Variants in ENTPD1 observed in about 807,000 individuals in gnomAD.
The protein encoded by ENTPD1 is ectonucleoside triphosphate diphosphohydrolase 1.
ENTPD1 carries 33 observed loss-of-function variants against 57.0 expected under a neutral mutation model. The ratio of observed to expected loss-of-function variants is 0.58; its 90% confidence interval spans 0.44 to 0.77. The LOEUF (loss-of-function observed/expected upper bound fraction) is 0.77, where lower values mean the gene tolerates loss of function less well. ENTPD1 is among the 30% of genes least tolerant of loss of function. The pLI, the probability that ENTPD1 is intolerant of heterozygous loss-of-function variation, is 0.00. For missense variants in ENTPD1, 501 were observed against 603.4 expected (o/e 0.83, Z 1.78); for synonymous variants, 202 against 218.8 (o/e 0.92, Z 0.68).
chr10:95,753,794 G>C (rs1302199562), upstream of ENTPD1: 1 of 152,166 alleles, frequency 6.6e-6, no homozygotes, highest in Non-Finnish European at 1.5e-5. Context: ...CCAGGAGTTT[G>C]AGACCAGCCT....
intron 1 of ENTPD1, among the ~76,000 whole-genome samples, chr10:95,716,294 G>A (rs2097971404): frequency 6.6e-6 from 1 of 152,156 alleles, no homozygotes; most frequent in Non-Finnish European, 1.5e-5. Flanking sequence ...GATAAGATAT[G>A]GCAACTTTGC....
chr10:95,806,571 T>C (rs1355359800), intron 1 of ENTPD1, among the ~76,000 whole-genome samples: 2 of 152,252 alleles, frequency 1.3e-5, no homozygotes, highest in Admixed American at 1.3e-4. Flanking sequence ...AGAGGTGCTC[T>C]GGTTTTTAGA....
chr10:95,743,090 A>G (rs889571518), intron 1 of ENTPD1, among the ~76,000 whole-genome samples: 1 of 152,214 alleles, frequency 6.6e-6, no homozygotes, highest in Non-Finnish European at 1.5e-5. Flanking sequence ...TCCAAATTAC[A>G]TTTAATCTTC....
In ENTPD1 at chr10:95,839,825, G is replaced by C. The variant is rs1403275794; in HGVS notation, c.262+17G>C. 1 of 1,612,808 alleles carries C rather than the reference G, an allele frequency of 6.2e-7. No homozygotes were observed. Among genetic ancestry groups the C allele is most frequent in the Middle Eastern group, 1.7e-4 (1 of 6,056 alleles). On this transcript the variant is annotated intron_variant, in intron 3 of 9. Coordinates refer to ENST00000371205, the MANE Select transcript of ENTPD1 (RefSeq NM_001776.6). ...GGGTTAAAGGTAAGATGAAGACCAA[G>C]GGAAGGGGAGGCCAACAGTGGGGCA...
chr10:95,776,285 C>T (rs1216636503), intron 1 of ENTPD1, among the ~76,000 whole-genome samples: 2 of 152,166 alleles, frequency 1.3e-5, no homozygotes, highest in Non-Finnish European at 2.9e-5. Context: ...ACCGGTTGTT[C>T]CTTTCCATGT....
At chr10:95,776,841 C>G (rs953897600) in intron 1 of ENTPD1, among the ~76,000 whole-genome samples, 2 of 152,148 alleles carry the variant, frequency 1.3e-5, no homozygotes, top group African/African-American at 4.8e-5. Flanking sequence ...TCTTTTTACT[C>G]TTTTTTCTCT....
intron 7 of ENTPD1, among the ~76,000 whole-genome samples, chr10:95,850,121 G>A (rs561263522): frequency 6.6e-6 from 1 of 152,278 alleles, no homozygotes; most frequent in Admixed American, 6.5e-5. Context: ...GAAAAGGGTG[G>A]AGGAGTCTTG....
chr10:95,701,953 A>G, the ENTPD1 span, among the ~76,000 whole-genome samples: 1 of 152,068 alleles, frequency 6.6e-6, no homozygotes, highest in Non-Finnish European at 1.5e-5. Context: ...AAGTACTTTT[A>G]TTTTTTAAAA....
At position 95,871,714 on chromosome 10, in the gene ENTPD1, T is replaced by C; in HGVS notation, c.*5331T>C. The C allele has an allele frequency of 1.0e-6, 1 of 985,444 alleles. No homozygotes were observed. The highest frequency in any genetic ancestry group is 1.2e-6 in the Non-Finnish European group (1 of 829,910). 61.0% of individuals were successfully genotyped at this position (985,444 alleles called of 1,614,324 possible). A position where few individuals can be genotyped will look rare whatever the true frequency, so the allele number is the denominator to read the frequency against. ...GTTATAAATTGACACTATAATCAAC[T>C]GACACCATGATCAGTGATGATGATC... On this transcript the variant is annotated 3_prime_UTR_variant, in exon 10 of 10. Transcript: ENST00000371205.
At chr10:95,828,430 G>T (rs1418809913) in intron 2 of ENTPD1, among the ~76,000 whole-genome samples, 1 of 152,114 alleles carries the variant, frequency 6.6e-6, no homozygotes, top group Non-Finnish European at 1.5e-5. Flanking sequence ...AATAAAAATA[G>T]AAATAAGGTA....
At chr10:95,839,066 T>C (rs2098417160) in intron 2 of ENTPD1, among the ~76,000 whole-genome samples, 1 of 152,246 alleles carries the variant, frequency 6.6e-6, no homozygotes, top group Admixed American at 6.5e-5. Context: ...TTTACACCTC[T>C]CCTTAAAACA....
intron 1 of ENTPD1, among the ~76,000 whole-genome samples, chr10:95,792,162 AC>A (rs1199456901): frequency 6.6e-6 from 1 of 152,086 alleles, no homozygotes; most frequent in Non-Finnish European, 1.5e-5. Context: ...CAGACAACCC[AC>A]CCTGCTTTGC....
At chr10:95,784,178 G>A (rs1302957778) in intron 1 of ENTPD1, among the ~76,000 whole-genome samples, 1 of 150,362 alleles carries the variant, frequency 6.7e-6, no homozygotes, top group Non-Finnish European at 1.5e-5. Context: ...ATAAGATAGG[G>A]TAGGCATTAA....
chr10:95,844,438 A>G lies in ENTPD1; in HGVS notation c.414-38A>G, dbSNP rs2098429749. The G allele has an allele frequency of 2.5e-6, 4 of 1,613,496 alleles. No individual in the cohort carries two copies. The South Asian group carries it at 4.4e-5, about 18-fold the overall frequency. ...AAATGGGTAATGTAATATAATTATT[A>G]AAACAAAAATGATAACCTCAGCTCT... On this transcript the variant is annotated intron_variant, in intron 4 of 9. Transcript: ENST00000371205.
rs924183223 is a variant in ENTPD1, at chr10:95,868,552, G to A, written c.*2169G>A. 19 of 985,248 alleles carry A rather than the reference G, an allele frequency of 1.9e-5. No individual in the cohort carries two copies. The highest frequency in any genetic ancestry group is 1.4e-4 in the South Asian group (3 of 21,284). 61.0% of individuals were successfully genotyped at this position (985,248 alleles called of 1,614,324 possible). On this transcript the variant is annotated 3_prime_UTR_variant, in exon 10 of 10. Transcript: ENST00000371205. Reference sequence around the variant, plus strand: ...CAAATAAGTTGAGCCAATAACAGCCGCTTTTTTCCTTCTGTCTGCGTATAC... The same window carrying A: ...CAAATAAGTTGAGCCAATAACAGCCACTTTTTTCCTTCTGTCTGCGTATAC...
chr10:95,842,707 C>A (rs1215996346), intron 4 of ENTPD1, among the ~76,000 whole-genome samples: 1 of 151,972 alleles, frequency 6.6e-6, no homozygotes, highest in African/African-American at 2.4e-5. Flanking sequence ...AAAAAAAAGC[C>A]CCCTTGTGCA....
At chr10:95,846,198 T>C (rs925407450) in intron 6 of ENTPD1, 2 of 153,626 alleles carry the variant, frequency 1.3e-5, no homozygotes, top group African/African-American at 4.9e-5. Flanking sequence ...TGAAACCCCA[T>C]CTCTACTAAA....
chr10:95,775,495 A>G (rs1363968574), intron 1 of ENTPD1, among the ~76,000 whole-genome samples: 1 of 152,140 alleles, frequency 6.6e-6, no homozygotes, highest in Non-Finnish European at 1.5e-5. Flanking sequence ...TTATTTTGAG[A>G]TATGTTCCAT....
chr10:95,749,568 C>A (rs913882339), intron 1 of ENTPD1, among the ~76,000 whole-genome samples: 1 of 152,112 alleles, frequency 6.6e-6, no homozygotes, highest in Non-Finnish European at 1.5e-5. Context: ...ATAGCATTTA[C>A]AAATAGCCAT....
Sources: gnomAD v4.1 joint callset for allele counts (sites outside exome capture counted in the v4.1 genomes callset) on GRCh38, gnomAD v4.1.1 for gene constraint, MANE v1.5 for transcripts, NCBI Gene and HGNC (gene_info 2026-07-23, HGNC 2026-07-21) for gene names.